Variants in CHRDL1 observed in about 807,000 individuals in gnomAD.
CHRDL1 encodes the protein chordin like 1.
Under a neutral mutation model 40.9 loss-of-function variants are expected in CHRDL1, and 19 were observed. That is an observed-to-expected ratio of 0.46 (90% CI 0.32 to 0.68). CHRDL1 has a LOEUF of 0.68. CHRDL1 is among the 30% of genes least tolerant of loss of function. CHRDL1 has a pLI of 0.03. For missense variants in CHRDL1, 329 were observed against 352.1 expected (o/e 0.93, Z 0.53); for synonymous variants, 136 against 123.4 (o/e 1.10, Z -0.68).
chrX:110,768,996 C>T (rs995726507), intron 2 of CHRDL1, among the ~76,000 whole-genome samples: 1 of 111,712 alleles, frequency 9.0e-6, no homozygotes, highest in Non-Finnish European at 1.9e-5. Flanking sequence ...TTTTGGTAGC[C>T]ACAGCTTATC....
chrX:110,688,635 T>A lies in CHRDL1; in HGVS notation c.947A>T (p.Asp316Val). 8.3e-7 allele frequency: 1 copy of A among 1,210,743 alleles called. No individual in the cohort carries two copies. Residue 316 changes from aspartate to valine, a missense_variant, in exon 9 of 12, where the codon GAC (aspartate) becomes GTC (valine). Physicochemically the swap from Asp to Val is radical, Grantham distance 152 (BLOSUM62 -3). Transcript: ENST00000372042. The part of the protein sequence containing the change: ...RYPCKYPQKI[D>V]GKCCKVCPGK... ...TGGACACACCTTGCAGCATTTTCCGTCTATTTTTTGAGGATACTTGCAGGG... is the reference window on the plus strand; with the variant it reads ...TGGACACACCTTGCAGCATTTTCCGACTATTTTTTGAGGATACTTGCAGGG...
intron 6 of CHRDL1, among the ~76,000 whole-genome samples, chrX:110,703,788 AAACC>A (rs1413714802): frequency 8.9e-6 from 1 of 112,272 alleles, no homozygotes; most frequent in African/African-American, 3.2e-5. Context: ...TGCACAGCAT[AAACC>A]GACAGTGATA....
rs187324687 is a variant in CHRDL1, at chrX:110,703,092, G to T, written c.542-2371C>A. Among the ~76,000 whole-genome samples the T allele has an allele frequency of 9.4e-4, 105 of 111,442 alleles. No homozygotes were observed. In the East Asian group the frequency reaches 0.021, roughly 22 times the overall value. On this transcript the variant is annotated intron_variant, in intron 6 of 11. Transcript: ENST00000372042. The stretch of plus-strand genomic sequence containing the variant: ...ACTGCTTCTCAAAATGTGCTTCCTG[G>T]ACTAGCAGTATCAGCATTACCTGGA...
At chrX:110,723,119 C>T (rs778344767) in intron 4 of CHRDL1, among the ~76,000 whole-genome samples, 3 of 110,586 alleles carry the variant, frequency 2.7e-5, no homozygotes, top group Non-Finnish European at 5.7e-5. Context: ...GGCATGGTGG[C>T]GAGTGCCTGC....
chrX:110,787,755 GACAA>G (rs762316442), intron 2 of CHRDL1, among the ~76,000 whole-genome samples: 16 of 112,487 alleles, frequency 1.4e-4, no homozygotes, highest in Non-Finnish European at 2.6e-4. Context: ...AAAAATAAGT[GACAA>G]TCTAGCTCCT....
chrX:110,751,941 T>C (rs763243643), intron 4 of CHRDL1, among the ~76,000 whole-genome samples: 1 of 111,846 alleles, frequency 8.9e-6, no homozygotes, highest in South Asian at 3.7e-4. Context: ...TATTCAGCCA[T>C]AAAAAATAAA....
intron 2 of CHRDL1, among the ~76,000 whole-genome samples, chrX:110,773,514 T>G (rs1367626213): frequency 2.7e-5 from 3 of 109,327 alleles, no homozygotes; most frequent in Non-Finnish European, 5.7e-5. Flanking sequence ...GAATCACGAG[T>G]TAAGGAGATC....
intron 1 of CHRDL1, among the ~76,000 whole-genome samples, chrX:110,794,320 ACT>A (rs1434449733): frequency 6.3e-5 from 7 of 111,544 alleles, no homozygotes; most frequent in African/African-American, 2.3e-4. Flanking sequence ...TTCTGCATTA[ACT>A]CTCTGTCTGC....
chrX:110,732,068 G>A (rs190498015), intron 4 of CHRDL1, among the ~76,000 whole-genome samples: 27 of 110,491 alleles, frequency 2.4e-4, no homozygotes, highest in Non-Finnish European at 4.0e-4. Flanking sequence ...AGAGCGGAGC[G>A]GGCCTGAAAA....
intron 2 of CHRDL1, among the ~76,000 whole-genome samples, chrX:110,770,275 G>T (rs2089731037): frequency 8.9e-6 from 1 of 111,923 alleles, no homozygotes; most frequent in African/African-American, 3.2e-5. Flanking sequence ...CATAATCCCA[G>T]TACAGGAAGA....
chrX:110,758,986 C>A (rs191852129), intron 4 of CHRDL1, among the ~76,000 whole-genome samples: 113 of 111,762 alleles, frequency 1.0e-3, no homozygotes, highest in African/African-American at 3.6e-3. Context: ...TCACTCCACA[C>A]GCTTTTGGGG....
chrX:110,766,019 A>C, intron 2 of CHRDL1, among the ~76,000 whole-genome samples: 1 of 111,900 alleles, frequency 8.9e-6, no homozygotes, highest in Non-Finnish European at 1.9e-5. Flanking sequence ...CAGTGGAATA[A>C]AACTGGAAAT....
At chrX:110,696,990 G>A (rs2070399170) in intron 7 of CHRDL1, among the ~76,000 whole-genome samples, 1 of 111,335 alleles carries the variant, frequency 9.0e-6, no homozygotes, top group Non-Finnish European at 1.9e-5. Flanking sequence ...GTAACTCAGA[G>A]CAAAGGAGAA....
chrX:110,707,171 A>G (rs769501996), intron 6 of CHRDL1, among the ~76,000 whole-genome samples: 1 of 111,950 alleles, frequency 8.9e-6, no homozygotes, highest in African/African-American at 3.2e-5. Context: ...ATTTGAGAGA[A>G]GCTTTAAAAG....
chrX:110,705,891 C>A (rs751525452), intron 6 of CHRDL1, among the ~76,000 whole-genome samples: 1 of 109,883 alleles, frequency 9.1e-6, no homozygotes, highest in South Asian at 3.9e-4. Context: ...TGCCTCTGAG[C>A]TTTCAAAGTC....
chrX:110,694,292 T>C lies in CHRDL1; in HGVS notation c.649A>G (p.Ser217Gly). The C allele has an allele frequency of 8.3e-7, 1 of 1,211,228 alleles. No homozygotes were observed. The highest frequency in any genetic ancestry group is 1.1e-6 in the Non-Finnish European group (1 of 894,920). Residue 217 changes from serine to glycine, a missense_variant, in exon 8 of 12, where the codon AGC becomes GGC. Ser to Gly is a moderately conservative substitution (Grantham distance 56). Coordinates refer to ENST00000372042, the MANE Select transcript of CHRDL1 (RefSeq NM_001143981.2). ...CGGGACAGACCTCCAGCCTGTCGGC[T>C]TGGTGGAGGATCATAGTGAGAGCGG... ...YHRSHYDPPP[S>G]RQAGGLSRFP...
At chrX:110,782,451 G>T (rs1347260926) in intron 2 of CHRDL1, among the ~76,000 whole-genome samples, 1 of 112,393 alleles carries the variant, frequency 8.9e-6, no homozygotes, top group East Asian at 2.8e-4. Context: ...TTGGTAAGGT[G>T]CAGGTCACTG....
At chrX:110,789,244 A>G (rs1029710571) in intron 2 of CHRDL1, among the ~76,000 whole-genome samples, 1 of 112,067 alleles carries the variant, frequency 8.9e-6, no homozygotes, top group Non-Finnish European at 1.9e-5. Context: ...CAAAACTTAC[A>G]GATTATTTCT....
chrX:110,721,446 A>G lies in CHRDL1; in HGVS notation c.386T>C (p.Phe129Ser). 8.3e-7 allele frequency: 1 copy of G among 1,208,840 alleles called. No homozygotes were observed. Among genetic ancestry groups the G allele is most frequent in the Non-Finnish European group, 1.1e-6 (1 of 892,729 alleles). The change falls in exon 5 of 12, where the codon TTC (phenylalanine) becomes TCC (serine). Residue 129 changes from phenylalanine to serine, a missense_variant. Physicochemically the swap from Phe to Ser is radical, Grantham distance 155 (BLOSUM62 -2). Coordinates refer to ENST00000372042, the MANE Select transcript of CHRDL1 (RefSeq NM_001143981.2). ...ATTCTGAAAGAGCCCTTCAGCTACG[A>G]ACAGCTCTCCATGTTGGTAAGTTGT... ...NGTTYQHGEL[F>S]VAEGLFQNRQ...
Sources: gnomAD v4.1 joint callset for allele counts (sites outside exome capture counted in the v4.1 genomes callset) on GRCh38, gnomAD v4.1.1 for gene constraint, MANE v1.5 for transcripts, NCBI Gene and HGNC (gene_info 2026-07-23, HGNC 2026-07-21) for gene names.